The following DLGAP4 variants were observed in gnomAD, a reference collection of about 807,000 sequenced individuals.
DLGAP4 encodes the protein disks large-associated protein 4.
A neutral mutation model predicts 86.9 loss-of-function variants in DLGAP4; 18 were observed. That is an observed-to-expected ratio of 0.21 (90% CI 0.14 to 0.31). DLGAP4 has a LOEUF of 0.31. Among genes scored for constraint, DLGAP4 ranks in the 10% least tolerant of loss-of-function variants. The pLI is 1.00. For missense variants in DLGAP4, 1,085 were observed against 1,362.6 expected, an observed-to-expected ratio of 0.80 and a Z score of 3.21; for synonymous variants, 548 against 574.3, an observed-to-expected ratio of 0.95 and a Z score of 0.65.
intron 1 of DLGAP4, among the ~76,000 whole-genome samples, chr20:36,316,168 G>A (rs1474574594): frequency 6.6e-6 from 1 of 152,218 alleles, no homozygotes; most frequent in Non-Finnish European, 1.5e-5. Flanking sequence ...TCTGGCCAAG[G>A]TGACCATCCC....
rs201377730 is a variant in DLGAP4 at position 36,355,295 on chromosome 20, TTTC to T, written c.-303-11747_-303-11745del. ...TTTCTTGTTCTTTTTTCTTTCTTTC[TTTC>T]TTTTTTTTTTTTTTTAAGAGACAGG... On this transcript the variant is annotated intron_variant, in intron 1 of 12. Transcript: ENST00000339266. 8.7e-3 allele frequency among the ~76,000 whole-genome samples: 1,306 copies of T among 150,756 alleles called. 16 individuals carry two copies. Among genetic ancestry groups the T allele is most frequent in the African/African-American group, 0.029 (1,191 of 40,746 alleles).
chr20:36,486,412 G>A (rs1018656022), intron 7 of DLGAP4, among the ~76,000 whole-genome samples: 2 of 152,254 alleles, frequency 1.3e-5, no homozygotes, highest in South Asian at 4.1e-4. Context: ...ATGATGAGAA[G>A]GAGCAGACAT....
intron 8 of DLGAP4, chr20:36,499,382 C>G: frequency 6.5e-7 from 1 of 1,538,822 alleles, no homozygotes; most frequent in Non-Finnish European, 8.8e-7. Context: ...CGCCCGCCCG[C>G]CTGCCCGCCT....
chr20:36,429,398 CTT>C (rs151254062), intron 2 of DLGAP4, among the ~76,000 whole-genome samples: 877 of 75,902 alleles, frequency 0.012, 3 homozygotes, highest in East Asian at 0.036. Flanking sequence ...TTCTTTTTTT[CTT>C]TTTTTTTTTT....
At chr20:36,489,530 A>G (rs971312449) in intron 7 of DLGAP4, among the ~76,000 whole-genome samples, 1 of 152,152 alleles carries the variant, frequency 6.6e-6, no homozygotes, top group African/African-American at 2.4e-5. Flanking sequence ...GAATGCCCCC[A>G]CTGAAGGGTT....
intron 10 of DLGAP4, among the ~76,000 whole-genome samples, chr20:36,506,897 A>C (rs1309471640): frequency 6.6e-6 from 1 of 152,162 alleles, no homozygotes; most frequent in African/African-American, 2.4e-5. Flanking sequence ...TAGCTACTTC[A>C]TGTAAGTGGA....
intron 1 of DLGAP4, among the ~76,000 whole-genome samples, chr20:36,316,649 T>C (rs1035389942): frequency 9.2e-5 from 14 of 152,166 alleles, no homozygotes; most frequent in Admixed American, 6.5e-4. Flanking sequence ...TTGAGCCTGG[T>C]AGTCCAGGAA....
intron 1 of DLGAP4, among the ~76,000 whole-genome samples, chr20:36,345,265 A>G (rs2029899373): frequency 6.6e-6 from 1 of 152,168 alleles, no homozygotes; most frequent in African/African-American, 2.4e-5. Context: ...TGGCTTCTGG[A>G]GGAATCGCTT....
intron 2 of DLGAP4, among the ~76,000 whole-genome samples, chr20:36,394,546 G>A (rs2031886189): frequency 1.3e-5 from 2 of 152,198 alleles, no homozygotes; most frequent in South Asian, 4.1e-4. Flanking sequence ...GGGCTGTGGT[G>A]CGTGTGTGTG....
At chr20:36,446,629 A>T (rs2033598390) in intron 6 of DLGAP4, 68 bp from the exon 7 acceptor site, 2 of 1,487,980 alleles carry the variant, frequency 1.3e-6, no homozygotes, top group African/African-American at 2.8e-5. Flanking sequence ...TGAGCCCACC[A>T]CCAAGAACCG....
intron 1 of DLGAP4, among the ~76,000 whole-genome samples, chr20:36,312,451 A>G (rs1017405110): frequency 2.0e-5 from 3 of 152,226 alleles, no homozygotes; most frequent in Admixed American, 2.0e-4. Flanking sequence ...CTTAGGTGAG[A>G]GAAGGGCTGC....
At chr20:36,444,092 C>T (rs2033526035) in intron 6 of DLGAP4, among the ~76,000 whole-genome samples, 1 of 152,218 alleles carries the variant, frequency 6.6e-6, no homozygotes, top group Admixed American at 6.5e-5. Flanking sequence ...ACAAGGGTCT[C>T]TTCATAACTT....
intron 1 of DLGAP4, among the ~76,000 whole-genome samples, chr20:36,337,313 C>T (rs1347213123): frequency 1.4e-5 from 2 of 141,754 alleles, no homozygotes; most frequent in African/African-American, 2.7e-5. Context: ...ATGCTATGCC[C>T]AGCGGCAGGC....
At chr20:36,317,282 T>TTCTTA (rs2065115689) in intron 1 of DLGAP4, among the ~76,000 whole-genome samples, 13 of 30,390 alleles carry the variant, frequency 4.3e-4, no homozygotes, top group African/African-American at 8.1e-4. Context: ...TTTCTTATCT[T>TTCTTA]TCTTTCTTTC....
intron 6 of DLGAP4, among the ~76,000 whole-genome samples, chr20:36,444,671 C>T (rs376135560): frequency 1.3e-5 from 2 of 151,996 alleles, no homozygotes; most frequent in East Asian, 1.9e-4. Flanking sequence ...GATGGAGTCT[C>T]GTTTTATCAC....
intron 7 of DLGAP4, among the ~76,000 whole-genome samples, chr20:36,457,623 C>T (rs1047812297): frequency 3.3e-5 from 5 of 151,908 alleles, no homozygotes; most frequent in Admixed American, 1.3e-4. Flanking sequence ...TCAGGTAATC[C>T]GCCTGCCTTG....
chr20:36,526,821 G>A lies in DLGAP4; in HGVS notation c.2769G>A (p.Lys923=). The A allele has an allele frequency of 6.2e-7, 1 of 1,603,140 alleles. No homozygotes were observed. The highest frequency in any genetic ancestry group is 8.5e-7 in the Non-Finnish European group (1 of 1,176,634). ...VETPEKRKEE[K]KPPPPVPKKP... ...TCACTGTCTCACTAAAGGAAGAGAA[G>A]AAACCACCCCCTCCGGTCCCAAAGA... Residue 923 remains lysine, a synonymous_variant, in exon 13 of 13, where the codon AAG becomes AAA. Transcript: ENST00000339266.
rs148983037 is a variant in DLGAP4 at position 36,335,181 on chromosome 20, T to A, written c.-304+28669T>A. Among the ~76,000 whole-genome samples the A allele has an allele frequency of 6.4e-4, 98 of 152,224 alleles. No homozygotes were observed. The East Asian group carries it at 0.015, about 24-fold the overall frequency. ...GCTGTGAAGCCTTCCATGGGGAGAC[T>A]AGGGGACCCTGCCGTTGAGACCATG... On this transcript the variant is annotated intron_variant, in intron 1 of 12. Coordinates refer to ENST00000339266, the MANE Select transcript of DLGAP4 (RefSeq NM_001365621.2).
chr20:36,436,854 G>A (rs1244912407), intron 4 of DLGAP4, among the ~76,000 whole-genome samples: 1 of 150,754 alleles, frequency 6.6e-6, no homozygotes, highest in Non-Finnish European at 1.5e-5. Flanking sequence ...GAAAAGCCCC[G>A]CCCGCGTGGA....
Sources: allele counts gnomAD v4.1 joint callset (sites outside exome capture counted in the v4.1 genomes callset), GRCh38; gene constraint gnomAD v4.1.1; transcripts MANE v1.5; gene names NCBI Gene and HGNC (gene_info 2026-07-23, HGNC 2026-07-21).